CAAP1: variants seen among roughly 807,000 people sequenced by gnomAD.
The protein encoded by CAAP1 is conserved anti-apoptotic protein.
CAAP1 carries 20 observed loss-of-function variants against 34.0 expected under a neutral mutation model. That is an observed-to-expected ratio of 0.59 (90% CI 0.41 to 0.86). The LOEUF (loss-of-function observed/expected upper bound fraction) is 0.86, where lower values mean the gene tolerates loss of function less well. Among genes scored for constraint, CAAP1 ranks in the 40% least tolerant of loss-of-function variants. The pLI is 0.00. For synonymous variants in CAAP1, 213 were observed against 166.7 expected, an observed-to-expected ratio of 1.28 and a Z score of -2.14; for missense variants, 538 against 450.5, an observed-to-expected ratio of 1.19 and a Z score of -1.76.
intron 4 of CAAP1, chr9:26,870,018 T>C (rs932370739): frequency 2.3e-6 from 2 of 853,962 alleles, no homozygotes; most frequent in Non-Finnish European, 2.8e-6. Context: ...AAAAGTTAGG[T>C]TTCTGTAATA....
chr9:26,860,953 T>C (rs148980905), intron 5 of CAAP1, 113 bp downstream of exon 5: 42 of 736,196 alleles, frequency 5.7e-5, no homozygotes, highest in Non-Finnish European at 9.2e-5. Flanking sequence ...AATAAATTGC[T>C]CTCTTCCTCT....
intron 5 of CAAP1, among the ~76,000 whole-genome samples, chr9:26,855,490 A>G (rs555479324): frequency 1.6e-4 from 25 of 152,370 alleles, no homozygotes; most frequent in African/African-American, 5.0e-4. Flanking sequence ...GACTTGGTTA[A>G]TAATAATGTA....
At chr9:26,856,279 T>G (rs10967568) in intron 5 of CAAP1, among the ~76,000 whole-genome samples, 6,505 of 152,306 alleles carry the variant, frequency 0.043, 476 homozygotes, top group African/African-American at 0.15. Flanking sequence ...TTTGGTCATT[T>G]TATATACCAT....
intron 3 of CAAP1, 93 bp from the exon 4 acceptor site, chr9:26,884,978 G>A: frequency 3.2e-6 from 3 of 937,532 alleles, no homozygotes; most frequent in East Asian, 2.5e-5. Context: ...TAAAAGTGAT[G>A]CAGATTAAAG....
chr9:26,883,938 A>G (rs1165857606), intron 4 of CAAP1, among the ~76,000 whole-genome samples: 4 of 152,218 alleles, frequency 2.6e-5, no homozygotes, highest in Admixed American at 1.3e-4. Flanking sequence ...AAATTACCCT[A>G]TAACACTCCT....
At chr9:26,887,169 G>A (rs1416773371) in intron 2 of CAAP1, 144 bp downstream of exon 2, 5 of 523,404 alleles carry the variant, frequency 9.6e-6, no homozygotes, top group African/African-American at 3.9e-5. Flanking sequence ...CCAAGATCAC[G>A]CCACCACACT....
chr9:26,874,206 CAAAAAAA>C (rs34601727), intron 4 of CAAP1, among the ~76,000 whole-genome samples: 4 of 53,234 alleles, frequency 7.5e-5, no homozygotes, highest in Admixed American at 2.3e-4. Flanking sequence ...GACTCTGTCT[CAAAAAAA>C]AAAAAAAAAA....
At chr9:26,874,604 A>C (rs967269452) in intron 4 of CAAP1, among the ~76,000 whole-genome samples, 8 of 152,174 alleles carry the variant, frequency 5.3e-5, no homozygotes, top group Non-Finnish European at 1.2e-4. Context: ...TCACTTAAAA[A>C]ATGAAGGTAT....
At chr9:26,888,540 T>C (rs1336246441) in intron 1 of CAAP1, among the ~76,000 whole-genome samples, 2 of 152,242 alleles carry the variant, frequency 1.3e-5, no homozygotes, top group African/African-American at 2.4e-5. Context: ...AGTTTTAAAA[T>C]GGGTCAGTTT....
rs966805434 is a variant in CAAP1 at position 26,842,136 on chromosome 9, T to C, written c.*165A>G. ...ACACACATTTATAATATAAAAGTAG[T>C]CAAAAAAATAAAAAGAAACAGCCAC... On this transcript the variant is annotated 3_prime_UTR_variant, in exon 6 of 6. Coordinates refer to ENST00000333916, the MANE Select transcript of CAAP1 (RefSeq NM_024828.4). 1.3e-5 allele frequency: 7 copies of C among 559,568 alleles called. No homozygotes were observed. Among genetic ancestry groups the C allele is most frequent in the Non-Finnish European group, 2.2e-5 (7 of 323,544 alleles). The allele number at this position is 559,568 out of a possible 1,614,324, so 34.7% of individuals were successfully genotyped here. A position where few individuals can be genotyped will look rare whatever the true frequency, so the allele number is the denominator to read the frequency against.
chr9:26,857,543 A>C (rs1822900221), intron 5 of CAAP1, among the ~76,000 whole-genome samples: 1 of 152,290 alleles, frequency 6.6e-6, no homozygotes, highest in East Asian at 1.9e-4. Context: ...GAGGCAGGAG[A>C]ATTGCTTTAA....
chr9:26,868,696 T>G (rs149657013), intron 4 of CAAP1, among the ~76,000 whole-genome samples: 1 of 152,286 alleles, frequency 6.6e-6, no homozygotes, highest in East Asian at 1.9e-4. Context: ...ACAAGTCAAA[T>G]AACACCATGA....
At chr9:26,885,850 T>C (rs1286909965) in intron 3 of CAAP1, among the ~76,000 whole-genome samples, 1 of 152,182 alleles carries the variant, frequency 6.6e-6, no homozygotes, top group Admixed American at 6.5e-5. Flanking sequence ...TTGGTAAACA[T>C]TTTTTATTTC....
intron 1 of CAAP1, among the ~76,000 whole-genome samples, chr9:26,890,693 C>T (rs1823878942): frequency 6.6e-6 from 1 of 152,190 alleles, no homozygotes; most frequent in Non-Finnish European, 1.5e-5. Flanking sequence ...CGCCTGTAAT[C>T]CCAGCACTTT....
chr9:26,870,884 T>A (rs1823259450), intron 4 of CAAP1, among the ~76,000 whole-genome samples: 1 of 152,112 alleles, frequency 6.6e-6, no homozygotes, highest in South Asian at 2.1e-4. Context: ...CCTAAAGAGC[T>A]GGGATTACAG....
At chr9:26,860,874 TAACTA>T (rs1330988472) in intron 5 of CAAP1, among the ~76,000 whole-genome samples, 187 bp downstream of exon 5, 2 of 152,168 alleles carry the variant, frequency 1.3e-5, no homozygotes, top group Non-Finnish European at 2.9e-5. Context: ...CTTCTGTAAC[TAACTA>T]AACATCATAA....
intron 4 of CAAP1, among the ~76,000 whole-genome samples, chr9:26,868,952 T>C (rs1409064837): frequency 6.6e-6 from 1 of 152,138 alleles, no homozygotes; most frequent in Admixed American, 6.5e-5. Context: ...GAAATGAATA[T>C]CACATATTAG....
intron 4 of CAAP1, among the ~76,000 whole-genome samples, chr9:26,879,519 T>C (rs1442369992): frequency 6.6e-6 from 1 of 152,208 alleles, no homozygotes; most frequent in African/African-American, 2.4e-5. Context: ...CTTGATTGGA[T>C]TGAAGGATGC....
intron 5 of CAAP1, among the ~76,000 whole-genome samples, chr9:26,846,377 C>T (rs1181760030): frequency 1.5e-5 from 2 of 133,082 alleles, no homozygotes; most frequent in African/African-American, 5.8e-5. Context: ...GATTGCGCCA[C>T]TGCACTGCAG....
Sources: gnomAD v4.1 joint callset for allele counts (sites outside exome capture counted in the v4.1 genomes callset) on GRCh38, gnomAD v4.1.1 for gene constraint, MANE v1.5 for transcripts, NCBI Gene and HGNC (gene_info 2026-07-23, HGNC 2026-07-21) for gene names.